MTHFD2L: variants seen among roughly 807,000 people sequenced by gnomAD.
MTHFD2L encodes bifunctional methylenetetrahydrofolate dehydrogenase/cyclohydrolase 2, mitochondrial.
MTHFD2L carries 29 observed loss-of-function variants against 34.9 expected under a neutral mutation model. The ratio of observed to expected loss-of-function variants is 0.83; its 90% confidence interval spans 0.62 to 1.13. MTHFD2L has a LOEUF of 1.13. Ranked by LOEUF, MTHFD2L falls within the 50% of genes most tolerant of loss-of-function variation. The probability of loss-of-function intolerance (pLI) is 0.00; values close to 1 mark genes in which losing one functional copy is unlikely to be tolerated. For missense variants in MTHFD2L, 481 were observed against 446.5 expected (o/e 1.08, Z -0.70); for synonymous variants, 167 against 155.7 (o/e 1.07, Z -0.54).
At chr4:74,208,303 A>ATTCAGTGTCTTCTAAAT (rs11427502) in intron 5 of MTHFD2L, among the ~76,000 whole-genome samples, 142,456 of 151,800 alleles carry the variant, frequency 0.94, 67,224 homozygotes, top group Non-Finnish European at 0.99. Flanking sequence ...TGTCTTCTAA[A>ATTCAGTGTCTTCTAAAT]TTCAGTGTCT....
At chr4:74,137,838 G>A (rs1445731201) in intron 1 of MTHFD2L, among the ~76,000 whole-genome samples, 2 of 152,080 alleles carry the variant, frequency 1.3e-5, no homozygotes, top group Non-Finnish European at 1.5e-5. Flanking sequence ...ACTATGTTAA[G>A]AGAAATAAGC....
At chr4:74,163,713 T>C (rs1725962710) in intron 1 of MTHFD2L, among the ~76,000 whole-genome samples, 1 of 152,236 alleles carries the variant, frequency 6.6e-6, no homozygotes, top group African/African-American at 2.4e-5. Context: ...TTATTCCCTA[T>C]GGAATTTTGC....
intron 6 of MTHFD2L, among the ~76,000 whole-genome samples, chr4:74,244,064 G>A (rs1742082844): frequency 6.6e-6 from 1 of 152,164 alleles, no homozygotes. Flanking sequence ...CTGTTTGTTG[G>A]GGGTGGGTTC....
intron 2 of MTHFD2L, among the ~76,000 whole-genome samples, chr4:74,115,107 G>T (rs1015957597): frequency 3.3e-5 from 5 of 152,170 alleles, no homozygotes; most frequent in African/African-American, 4.8e-5. Context: ...ATTAGGGGGA[G>T]GGCAAGGGAG....
intron 4 of MTHFD2L, 86 bp downstream of exon 4, chr4:74,200,032 C>A: frequency 8.4e-7 from 1 of 1,194,476 alleles, no homozygotes; most frequent in Non-Finnish European, 1.2e-6. Flanking sequence ...CTACCTCAGT[C>A]CTATAGAGTG....
intron 7 of MTHFD2L, among the ~76,000 whole-genome samples, chr4:74,286,134 A>C (rs1250734990): frequency 6.6e-6 from 1 of 152,144 alleles, no homozygotes; most frequent in Non-Finnish European, 1.5e-5. Context: ...TTGACAGTTC[A>C]TCAATATGTC....
intron 7 of MTHFD2L, 58 bp downstream of exon 7, chr4:74,281,608 T>G (rs982535627): frequency 6.6e-7 from 1 of 1,512,292 alleles, no homozygotes; most frequent in Non-Finnish European, 8.9e-7. Context: ...ACCTTACGTA[T>G]TTTAAAAATA....
intron 5 of MTHFD2L, among the ~76,000 whole-genome samples, chr4:74,221,288 G>T (rs566292266): frequency 2.0e-5 from 3 of 151,484 alleles, no homozygotes; most frequent in African/African-American, 7.2e-5. Flanking sequence ...TTCTGAGTTT[G>T]ATATAGTCAT....
intron 6 of MTHFD2L, among the ~76,000 whole-genome samples, chr4:74,261,066 A>G (rs1378623591): frequency 3.3e-5 from 5 of 151,984 alleles, no homozygotes; most frequent in Non-Finnish European, 5.9e-5. Context: ...ATTCCCATTT[A>G]TATAAAGGTG....
At position 74,262,820 on chromosome 4, in the gene MTHFD2L, A is replaced by G. The variant is rs1226824359; in HGVS notation, c.806-18605A>G. On this transcript the variant is annotated intron_variant, in intron 6 of 7. Transcript: ENST00000325278. ...CTCTAGAAGGTAATTTGACAATGTT[A>G]TGAAATCTGAAAATGTGCACTTCAT... Among the ~76,000 whole-genome samples, 3 of 152,120 alleles carry G rather than the reference A, an allele frequency of 2.0e-5. No individual in the cohort carries two copies. The East Asian group carries it at 5.8e-4, about 29-fold the overall frequency.
At chr4:74,237,791 A>G (rs1022079628) in intron 6 of MTHFD2L, among the ~76,000 whole-genome samples, 5 of 152,222 alleles carry the variant, frequency 3.3e-5, no homozygotes, top group Admixed American at 6.5e-5. Context: ...GCATTGCATC[A>G]GCACCACTGA....
rs2109765586 is a variant in MTHFD2L, at chr4:74,117,476, T to C, written c.-144+2819T>C. Among the ~76,000 whole-genome samples, 4 of 152,250 alleles carry C rather than the reference T, an allele frequency of 2.6e-5. No homozygotes were observed. The South Asian group carries it at 6.2e-4, about 24-fold the overall frequency. On this transcript the variant is annotated intron_variant and NMD_transcript_variant, in intron 2 of 9. Transcript: ENST00000429519. ...TGGAGAACAAACCTTCAGATCTTAA[T>C]CTGTACAGGGAGGTGGAGGGTGAAA...
At chr4:74,205,320 A>C (rs115417073) in intron 5 of MTHFD2L, among the ~76,000 whole-genome samples, 1 of 152,204 alleles carries the variant, frequency 6.6e-6, no homozygotes, top group Non-Finnish European at 1.5e-5. Flanking sequence ...TAATGAAGAT[A>C]ATGAAGGAGG....
intron 6 of MTHFD2L, among the ~76,000 whole-genome samples, chr4:74,265,808 T>G (rs1235246773): frequency 6.6e-6 from 1 of 152,220 alleles, no homozygotes; most frequent in South Asian, 2.1e-4. Flanking sequence ...AAGCTTAATA[T>G]TCTCTATATC....
intron 5 of MTHFD2L, among the ~76,000 whole-genome samples, chr4:74,204,044 T>C (rs530354760): frequency 6.6e-6 from 1 of 152,306 alleles, no homozygotes; most frequent in South Asian, 2.1e-4. Context: ...ATTCCCATTT[T>C]ACAGCTAAAG....
At chr4:74,200,243 C>T (rs1393441324) in intron 4 of MTHFD2L, among the ~76,000 whole-genome samples, 2 of 151,806 alleles carry the variant, frequency 1.3e-5, no homozygotes, top group African/African-American at 2.4e-5. Flanking sequence ...ACCTGGGAGG[C>T]GGAGCTTGCA....
chr4:74,138,440 T>C (rs1173713063), intron 1 of MTHFD2L, among the ~76,000 whole-genome samples: 1 of 152,162 alleles, frequency 6.6e-6, no homozygotes, highest in Non-Finnish European at 1.5e-5. Context: ...GAATGGAACC[T>C]TGGGCCATGC....
At chr4:74,294,039 A>G (rs954572443) in intron 7 of MTHFD2L, among the ~76,000 whole-genome samples, 3 of 152,146 alleles carry the variant, frequency 2.0e-5, no homozygotes, top group African/African-American at 7.2e-5. Flanking sequence ...TTAAAAAATA[A>G]TTATAGCATT....
intron 1 of MTHFD2L, among the ~76,000 whole-genome samples, chr4:74,173,653 TG>T (rs1193645203): frequency 6.6e-6 from 1 of 152,188 alleles, no homozygotes; most frequent in Admixed American, 6.5e-5. Flanking sequence ...CACAAGATTG[TG>T]GGGCTACGTG....
Sources: allele counts gnomAD v4.1 joint callset (sites outside exome capture counted in the v4.1 genomes callset), GRCh38; gene constraint gnomAD v4.1.1; transcripts MANE v1.5; gene names NCBI Gene and HGNC (gene_info 2026-07-23, HGNC 2026-07-21).